Variants in MYO6 observed in about 807,000 individuals in gnomAD.
The protein encoded by MYO6 is unconventional myosin-VI.
MYO6 carries 74 observed loss-of-function variants against 178.7 expected under a neutral mutation model. The observed-to-expected ratio is 0.41, with a 90% CI of 0.34 to 0.50. The LOEUF (loss-of-function observed/expected upper bound fraction) is 0.50. Ranked by LOEUF, MYO6 falls within the 20% of genes least tolerant of loss-of-function variation. MYO6 has a pLI of 0.09. For missense variants in MYO6, 1,330 were observed against 1,547.4 expected, an observed-to-expected ratio of 0.86 and a Z score of 2.36; for synonymous variants, 477 against 504.6, an observed-to-expected ratio of 0.95 and a Z score of 0.73.
intron 25 of MYO6, among the ~76,000 whole-genome samples, chr6:75,887,903 G>A (rs1249893489): frequency 2.0e-5 from 3 of 150,476 alleles, no homozygotes; most frequent in Non-Finnish European, 4.4e-5. Flanking sequence ...GGAGTGAACC[G>A]GGGGGGCGGA....
chr6:75,863,061 G>T (rs371541967), intron 16 of MYO6, among the ~76,000 whole-genome samples: 21 of 152,108 alleles, frequency 1.4e-4, no homozygotes, highest in African/African-American at 4.6e-4. Flanking sequence ...CTGCACTCCA[G>T]CCTGGCCAAA....
At chr6:75,886,776 A>G (rs2149358729) in intron 24 of MYO6, 68 bp from the exon 25 acceptor site, 1 of 1,467,714 alleles carries the variant, frequency 6.8e-7, no homozygotes, top group South Asian at 1.1e-5. Flanking sequence ...TTAGCATTTT[A>G]TAAATGAAAA....
chr6:75,793,041 C>A lies in MYO6; in HGVS notation c.-47-24460C>A, dbSNP rs144612813. ...TCCTGGCCCCAAGTGATCCTCCCAC[C>A]TCAGTCTCCCAAAGTGTTGGGATTA... On this transcript the variant is annotated intron_variant, in intron 1 of 34. Coordinates refer to ENST00000369977, the MANE Select transcript of MYO6 (RefSeq NM_004999.4). 7.6e-3 allele frequency among the ~76,000 whole-genome samples: 1,159 copies of A among 152,180 alleles called. 42 individuals are homozygous for A. The highest frequency in any genetic ancestry group is 0.063 in the Admixed American group (962 of 15,278).
intron 30 of MYO6, among the ~76,000 whole-genome samples, chr6:75,903,944 A>AT (rs1344809972): frequency 6.6e-6 from 1 of 151,330 alleles, no homozygotes; most frequent in Non-Finnish European, 1.5e-5. Context: ...ATCTCTCAGC[A>AT]TTTGCTTGTC....
intron 10 of MYO6, among the ~76,000 whole-genome samples, chr6:75,847,165 G>C (rs572612248): frequency 8.7e-4 from 133 of 152,204 alleles, no homozygotes; most frequent in African/African-American, 3.0e-3. Context: ...TGCATGATGT[G>C]TGTTTTCTGC....
intron 31 of MYO6, 62 bp from the exon 32 acceptor site, chr6:75,908,434 C>G: frequency 6.7e-7 from 1 of 1,491,614 alleles, no homozygotes; most frequent in Non-Finnish European, 9.3e-7. Context: ...ATAATTATAT[C>G]ATTATGTTAG....
intron 20 of MYO6, 56 bp downstream of exon 20, chr6:75,873,356 A>C: frequency 7.9e-7 from 1 of 1,258,120 alleles, no homozygotes; most frequent in Non-Finnish European, 1.2e-6. Flanking sequence ...AATACAATTT[A>C]ATAGGTTCAG....
At position 75,828,632 on chromosome 6, in the gene MYO6, G is replaced by A; in HGVS notation, c.261+19G>A. The A allele has an allele frequency of 7.0e-7, 1 of 1,438,646 alleles. No homozygotes were observed. The highest frequency in any genetic ancestry group is 9.8e-7 in the Non-Finnish European group (1 of 1,021,036). The allele number at this position is 1,438,646 out of a possible 1,614,324, so 89.1% of individuals were successfully genotyped here. A position where few individuals can be genotyped will look rare whatever the true frequency, so the allele number is the denominator to read the frequency against. ...AATTTATGTAAGTATTTTACCTGTA[G>A]TGTAAGTTTTTGTGGAGATAATTAT... On this transcript the variant is annotated intron_variant, in intron 4 of 34. Coordinates refer to ENST00000369977, the MANE Select transcript of MYO6 (RefSeq NM_004999.4).
chr6:75,787,728 CTCTATATATATATA>C (rs1332719662), intron 1 of MYO6, among the ~76,000 whole-genome samples: 5 of 16,386 alleles, frequency 3.1e-4, no homozygotes, highest in Non-Finnish European at 5.3e-4. Flanking sequence ...CTCTCTCTCT[CTCTATATATATATA>C]TATATATATA....
chr6:75,799,331 A>C (rs1335228081), intron 1 of MYO6, among the ~76,000 whole-genome samples: 1 of 151,830 alleles, frequency 6.6e-6, no homozygotes, highest in Non-Finnish European at 1.5e-5. Context: ...TGGAGGTTGC[A>C]GTGATTCGCG....
chr6:75,851,204 C>G (rs192812500), intron 11 of MYO6, among the ~76,000 whole-genome samples: 1 of 152,240 alleles, frequency 6.6e-6, no homozygotes, highest in African/African-American at 2.4e-5. Context: ...GTTGCATGAT[C>G]AAGTTATTTG....
At chr6:75,885,889 T>C (rs1583362552) in intron 23 of MYO6, 115 bp from the exon 24 acceptor site, 3 of 691,550 alleles carry the variant, frequency 4.3e-6, no homozygotes, top group African/African-American at 1.8e-5. Flanking sequence ...TATAATAATA[T>C]GGTCGTCAAG....
chr6:75,826,123 T>G (rs1413485358), intron 3 of MYO6, among the ~76,000 whole-genome samples: 1 of 152,164 alleles, frequency 6.6e-6, no homozygotes, highest in Non-Finnish European at 1.5e-5. Flanking sequence ...GTGAGGCCCT[T>G]GTGGACATAC....
intron 16 of MYO6, 72 bp from the exon 17 acceptor site, chr6:75,866,454 G>A: frequency 2.4e-6 from 3 of 1,232,288 alleles, no homozygotes; most frequent in Non-Finnish European, 2.4e-6. Flanking sequence ...TTACATCTCA[G>A]TTGTTTTGTA....
At chr6:75,845,733 C>T (rs561241886) in intron 10 of MYO6, among the ~76,000 whole-genome samples, 1 of 151,908 alleles carries the variant, frequency 6.6e-6, no homozygotes, top group African/African-American at 2.4e-5. Context: ...GCTTGTAATC[C>T]CAGCACTTTG....
intron 8 of MYO6, 44 bp downstream of exon 8, chr6:75,840,726 T>C: frequency 1.4e-6 from 2 of 1,432,640 alleles, no homozygotes; most frequent in Non-Finnish European, 2.0e-6. Flanking sequence ...GGGGAGTGTT[T>C]GTGAAAATGC....
At position 75,892,412 on chromosome 6, in the gene MYO6, C is replaced by A. The variant is rs1298699728; in HGVS notation, c.2947-118C>A. On this transcript the variant is annotated intron_variant, in intron 27 of 34. Coordinates refer to ENST00000369977, the MANE Select transcript of MYO6 (RefSeq NM_004999.4). ...TGAAGAGATCTGTGCTTAAGCAATT[C>A]TTTAGTAAAGAACTTGTATGGGGGC... The A allele has an allele frequency of 5.3e-6, 7 of 1,321,232 alleles. No individual in the cohort carries two copies. The African/African-American group carries it at 7.3e-5, about 14-fold the overall frequency. 81.8% of individuals were successfully genotyped at this position (1,321,232 alleles called of 1,614,324 possible).
intron 1 of MYO6, among the ~76,000 whole-genome samples, chr6:75,776,790 G>A (rs1766436376): frequency 6.6e-6 from 1 of 151,702 alleles, no homozygotes; most frequent in South Asian, 2.1e-4. Flanking sequence ...TGAAACTATA[G>A]GTCTGAGCCA....
intron 1 of MYO6, among the ~76,000 whole-genome samples, chr6:75,753,404 G>A (rs1297268992): frequency 6.6e-6 from 1 of 151,022 alleles, no homozygotes; most frequent in African/African-American, 2.4e-5. Flanking sequence ...CTCTTTTGGA[G>A]GCATTATATC....
Sources: allele counts gnomAD v4.1 joint callset (sites outside exome capture counted in the v4.1 genomes callset), GRCh38; gene constraint gnomAD v4.1.1; transcripts MANE v1.5; gene names NCBI Gene and HGNC (gene_info 2026-07-23, HGNC 2026-07-21).